ATXN7L1: variants seen among roughly 807,000 people sequenced by gnomAD.
ATXN7L1 encodes the protein ataxin 7 like 1.
Under a neutral mutation model 70.8 loss-of-function variants are expected in ATXN7L1, and 15 were observed. That is an observed-to-expected ratio of 0.21 (90% CI 0.14 to 0.33). The LOEUF is 0.33. Ranked by LOEUF, ATXN7L1 falls within the 10% of genes least tolerant of loss-of-function variation. The pLI, the probability that ATXN7L1 is intolerant of heterozygous loss-of-function variation, is 1.00. For missense variants in ATXN7L1, 975 were observed against 1,097.1 expected (o/e 0.89, Z 1.57); for synonymous variants, 440 against 445.1 (o/e 0.99, Z 0.14).
intron 3 of ATXN7L1, chr7:105,760,729 A>G: frequency 4.4e-6 from 1 of 226,962 alleles, no homozygotes. Context: ...AGTCTTCCAG[A>G]AGGAAGTAAT....
At chr7:105,620,057 T>C in intron 9 of ATXN7L1, 143 bp downstream of exon 9, 1 of 1,034,786 alleles carries the variant, frequency 9.7e-7, no homozygotes, top group East Asian at 2.7e-5. Flanking sequence ...GAAGAGCTGG[T>C]ATTTAAGAAT....
intron 4 of ATXN7L1, among the ~76,000 whole-genome samples, chr7:105,653,914 A>G (rs1584533060): frequency 6.6e-6 from 1 of 152,040 alleles, no homozygotes; most frequent in Non-Finnish European, 1.5e-5. Flanking sequence ...CCAGATCCGG[A>G]GGAAACATCC....
chr7:105,610,501 T>TGGGGGG, intron 11 of ATXN7L1, 28 bp downstream of exon 11: 2 of 1,526,714 alleles, frequency 1.3e-6, no homozygotes, highest in Non-Finnish European at 1.8e-6. Flanking sequence ...TATGAATTTT[T>TGGGGGG]GCCCCACCCC....
At chr7:105,841,787 ATG>A (rs1813249880) in intron 2 of ATXN7L1, among the ~76,000 whole-genome samples, 1 of 152,230 alleles carries the variant, frequency 6.6e-6, no homozygotes, top group Non-Finnish European at 1.5e-5. Flanking sequence ...CTATCACAGT[ATG>A]TACGTATGCA....
chr7:105,638,347 A>G lies in ATXN7L1; in HGVS notation c.1202+6T>C, dbSNP rs1306255649. 5.2e-6 allele frequency: 8 copies of G among 1,548,214 alleles called. No homozygotes were observed. Among genetic ancestry groups the G allele is most frequent in the Non-Finnish European group, 7.0e-6 (8 of 1,144,444 alleles). ...TCAGGGCTTCTATCGTCAAGGTGGT[A>G]CTTACCTAGGAAGTACAGAGTTGGG... On this transcript the variant is annotated splice_donor_region_variant and intron_variant, in intron 7 of 11. Coordinates refer to ENST00000419735, the MANE Select transcript of ATXN7L1 (RefSeq NM_020725.2).
At position 105,718,209 on chromosome 7, in the gene ATXN7L1, C is replaced by T. The variant is rs1794789312; in HGVS notation, c.356-52921G>A. Among the ~76,000 whole-genome samples, 3 of 152,174 alleles carry T rather than the reference C, an allele frequency of 2.0e-5. No homozygotes were observed. The South Asian group carries it at 6.2e-4, about 31-fold the overall frequency. On this transcript the variant is annotated intron_variant, in intron 3 of 11. Coordinates refer to ENST00000419735, the MANE Select transcript of ATXN7L1 (RefSeq NM_020725.2). ...CGAGTCCTGTAGCTATGCTAGATAG[C>T]CCCACACCTTCCCAGTTAATCAGCT...
intron 3 of ATXN7L1, among the ~76,000 whole-genome samples, chr7:105,691,958 G>A (rs1364389964): frequency 2.0e-5 from 3 of 152,256 alleles, no homozygotes; most frequent in Admixed American, 6.5e-5. Flanking sequence ...CACAGAAAGC[G>A]AACCGGCTGC....
intron 8 of ATXN7L1, among the ~76,000 whole-genome samples, chr7:105,622,942 A>T (rs1795148228): frequency 6.6e-6 from 1 of 152,172 alleles, no homozygotes; most frequent in Non-Finnish European, 1.5e-5. Context: ...GCTCCATGAC[A>T]TCGTGGAGAA....
intron 3 of ATXN7L1, among the ~76,000 whole-genome samples, chr7:105,715,300 A>G (rs1794406964): frequency 6.6e-6 from 1 of 152,236 alleles, no homozygotes; most frequent in Non-Finnish European, 1.5e-5. Flanking sequence ...ATGGAAGTAT[A>G]CTATCTTACT....
intron 3 of ATXN7L1, among the ~76,000 whole-genome samples, chr7:105,784,585 G>C (rs534367847): frequency 1.1e-4 from 16 of 152,266 alleles, no homozygotes; most frequent in Admixed American, 1.0e-3. Flanking sequence ...GGAGAACAGA[G>C]TTTTGTGGCT....
chr7:105,778,602 T>C (rs757316138), intron 3 of ATXN7L1, among the ~76,000 whole-genome samples: 1 of 151,728 alleles, frequency 6.6e-6, no homozygotes, highest in Non-Finnish European at 1.5e-5. Context: ...AACTGAACCA[T>C]TATATCTGCT....
At chr7:105,641,256 G>GA (rs1369426709) in intron 5 of ATXN7L1, among the ~76,000 whole-genome samples, 1 of 49,444 alleles carries the variant, frequency 2.0e-5, no homozygotes, top group African/African-American at 7.1e-5. Context: ...GCTTCACTTA[G>GA]AAAAAAAACC....
In ATXN7L1 at chr7:105,697,936, C is replaced by G. The variant is rs1584763778; in HGVS notation, c.356-32648G>C. ...CCGAGCGAAGGCAGCTGCCTGACTCCATATGTGGAAGAGGAAGCTGGGCAG... is the reference window on the plus strand; with the variant it reads ...CCGAGCGAAGGCAGCTGCCTGACTCGATATGTGGAAGAGGAAGCTGGGCAG... On this transcript the variant is annotated intron_variant, in intron 3 of 11. Transcript: ENST00000419735. 3.9e-5 allele frequency among the ~76,000 whole-genome samples: 6 copies of G among 152,176 alleles called. No homozygotes were observed. In the South Asian group the frequency reaches 1.2e-3, roughly 32 times the overall value.
chr7:105,787,066 G>GGGT (rs66865097), intron 3 of ATXN7L1, among the ~76,000 whole-genome samples: 1 of 151,514 alleles, frequency 6.6e-6, no homozygotes, highest in African/African-American at 2.4e-5. Context: ...GGTGGTACCA[G>GGGT]CTGACAGTTT....
chr7:105,623,866 G>A (rs1795287385), intron 8 of ATXN7L1, among the ~76,000 whole-genome samples: 1 of 152,206 alleles, frequency 6.6e-6, no homozygotes, highest in Non-Finnish European at 1.5e-5. Context: ...GGAAGTACTT[G>A]GGATTATAAT....
chr7:105,728,002 ATTT>A (rs1212049427), intron 3 of ATXN7L1, among the ~76,000 whole-genome samples: 1 of 151,762 alleles, frequency 6.6e-6, no homozygotes, highest in Admixed American at 6.6e-5. Context: ...TGTAAAAATT[ATTT>A]TTAAAAACCC....
chr7:105,656,774 T>C (rs1393887728), intron 4 of ATXN7L1, among the ~76,000 whole-genome samples: 1 of 152,210 alleles, frequency 6.6e-6, no homozygotes, highest in Non-Finnish European at 1.5e-5. Flanking sequence ...TTTTGCCATG[T>C]TGGCCAGGAT....
chr7:105,607,134 G>C lies in ATXN7L1; in HGVS notation c.*718C>G, dbSNP rs1792794741. On this transcript the variant is annotated 3_prime_UTR_variant, in exon 12 of 12. Coordinates refer to ENST00000419735, the MANE Select transcript of ATXN7L1 (RefSeq NM_020725.2). ...CAAACCTGTTCTGGCCCCTGTCCCT[G>C]ACTGGTTTATCCTTTCTGAGCTGCA... 6.6e-6 allele frequency: 1 copy of C among 152,424 alleles called. No homozygotes were observed. The highest frequency in any genetic ancestry group is 6.6e-5 in the Admixed American group (1 of 15,254). 9.4% of individuals were successfully genotyped at this position (152,424 alleles called of 1,614,324 possible). A position where few individuals can be genotyped will look rare whatever the true frequency, so the allele number is the denominator to read the frequency against.
At chr7:105,725,845 T>C (rs1259313020) in intron 3 of ATXN7L1, among the ~76,000 whole-genome samples, 1 of 151,516 alleles carries the variant, frequency 6.6e-6, no homozygotes, top group Non-Finnish European at 1.5e-5. Context: ...CTTTCCATAG[T>C]GTTGGGATTA....
Sources: allele counts gnomAD v4.1 joint callset (sites outside exome capture counted in the v4.1 genomes callset), GRCh38; gene constraint gnomAD v4.1.1; transcripts MANE v1.5; gene names NCBI Gene and HGNC (gene_info 2026-07-23, HGNC 2026-07-21).